Variants in CLXN observed in about 807,000 individuals in gnomAD.
The protein encoded by CLXN is calaxin.
the CLXN span, chr8:48,712,242 AGTG>A: frequency 3.3e-4 from 50 of 152,392 alleles, no homozygotes; most frequent in African/African-American, 1.2e-3. Context: ...TGTGGCTCCA[AGTG>A]GTGGTGTCCT....
chr8:48,728,555 ACT>A, the CLXN span, among the ~76,000 whole-genome samples: 15 of 152,094 alleles, frequency 9.9e-5, no homozygotes, highest in African/African-American at 3.6e-4. Flanking sequence ...AGGTGCCTAA[ACT>A]CTCCAAGCCT....
the CLXN span, chr8:48,734,598 T>G: frequency 6.5e-6 from 1 of 152,744 alleles, no homozygotes; most frequent in Non-Finnish European, 1.5e-5. Flanking sequence ...ACAGATGAGA[T>G]GACACAACTC....
chr8:48,729,078 T>C, the CLXN span: 2 of 1,613,544 alleles, frequency 1.2e-6, no homozygotes, highest in Non-Finnish European at 1.7e-6. Context: ...AGGCCTCCAG[T>C]AGAAGAGTCT....
chr8:48,716,628 C>T, the CLXN span: 4 of 152,008 alleles, frequency 2.6e-5, no homozygotes, highest in African/African-American at 9.7e-5. Context: ...ATTAAAAAAC[C>T]CAGAATTTCT....
chr8:48,730,459 C>A, the CLXN span: 1 of 880,768 alleles, frequency 1.1e-6, no homozygotes, highest in South Asian at 2.1e-5. Flanking sequence ...ACTTTACTGT[C>A]TTGGTTGAAA....
the CLXN span, among the ~76,000 whole-genome samples, chr8:48,725,104 GA>G: frequency 6.6e-6 from 1 of 152,190 alleles, no homozygotes; most frequent in Non-Finnish European, 1.5e-5. Flanking sequence ...CTGTGGTAGG[GA>G]AAGGCACATG....
At chr8:48,735,176 G>T in the CLXN span, 2 of 1,613,372 alleles carry the variant, frequency 1.2e-6, no homozygotes, top group Non-Finnish European at 1.7e-6. Flanking sequence ...GAATCGGGCC[G>T]CGGCGGGGGT....
At chr8:48,723,127 C>G in the CLXN span, among the ~76,000 whole-genome samples, 14 of 152,120 alleles carry the variant, frequency 9.2e-5, no homozygotes, top group Admixed American at 4.6e-4. Context: ...GAAATTTGCT[C>G]TAAAGGTGGC....
chr8:48,728,866 G>C, the CLXN span, among the ~76,000 whole-genome samples: 1 of 152,036 alleles, frequency 6.6e-6, no homozygotes, highest in Admixed American at 6.6e-5. Flanking sequence ...ACACAGCACT[G>C]GGTCACACTA....
chr8:48,727,145 C>T, the CLXN span, among the ~76,000 whole-genome samples: 1 of 150,570 alleles, frequency 6.6e-6, no homozygotes, highest in South Asian at 2.1e-4. Context: ...CATCACCCAT[C>T]CATCCTTCCA....
the CLXN span, among the ~76,000 whole-genome samples, chr8:48,714,434 C>T: frequency 6.6e-6 from 1 of 152,166 alleles, no homozygotes; most frequent in African/African-American, 2.4e-5. Context: ...TGAATTCTTA[C>T]AGTCAAGTGC....
the CLXN span, chr8:48,711,265 C>A: frequency 2.6e-5 from 4 of 152,136 alleles, no homozygotes; most frequent in Admixed American, 6.5e-5. Flanking sequence ...TGACATCATC[C>A]GAGACGGCCC....
chr8:48,735,185 G>T, the CLXN span: 1 of 1,612,598 alleles, frequency 6.2e-7, no homozygotes, highest in Non-Finnish European at 8.5e-7. Context: ...CGCGGCGGGG[G>T]TCTCTGGGCG....
chr8:48,729,744 C>T, the CLXN span: 5 of 1,611,202 alleles, frequency 3.1e-6, no homozygotes, highest in East Asian at 8.9e-5. Context: ...TTATTTCAAC[C>T]AAATCTTTAA....
chr8:48,732,025 C>T, the CLXN span, among the ~76,000 whole-genome samples: 1 of 152,132 alleles, frequency 6.6e-6, no homozygotes, highest in Non-Finnish European at 1.5e-5. Context: ...CATATTTTAG[C>T]ACCCAATATG....
the CLXN span, among the ~76,000 whole-genome samples, chr8:48,722,312 C>T: frequency 1.1e-4 from 16 of 152,160 alleles, no homozygotes; most frequent in African/African-American, 3.6e-4. Flanking sequence ...AAAAGAGAAT[C>T]CTGTAAATTA....
chr8:48,730,841 GT>G, the CLXN span, among the ~76,000 whole-genome samples: 1 of 152,024 alleles, frequency 6.6e-6, no homozygotes, highest in Admixed American at 6.6e-5. Context: ...TTTTTAAAAT[GT>G]TTTTGTGGGA....
At chr8:48,730,565 T>A in the CLXN span, 59 of 1,611,262 alleles carry the variant, frequency 3.7e-5, no homozygotes, top group Middle Eastern at 3.0e-3. Flanking sequence ...CCAAAGATCC[T>A]CGAAGAAACA....
chr8:48,731,691 C>G, the CLXN span, among the ~76,000 whole-genome samples: 1 of 106,760 alleles, frequency 9.4e-6, no homozygotes, highest in African/African-American at 3.7e-5. Context: ...GCATACCCTC[C>G]AAACAGGAAT....
Sources: gnomAD v4.1 joint callset for allele counts (sites outside exome capture counted in the v4.1 genomes callset) on GRCh38, gnomAD v4.1.1 for gene constraint, MANE v1.5 for transcripts, NCBI Gene and HGNC (gene_info 2026-07-23, HGNC 2026-07-21) for gene names.